Variants in CCDC60 observed in about 807,000 individuals in gnomAD.
CCDC60 encodes the protein coiled-coil domain containing 60.
In CCDC60, 54 loss-of-function variants were observed where a neutral mutation model predicts 63.5. The observed-to-expected ratio is 0.85, with a 90% CI of 0.68 to 1.07. CCDC60 has a LOEUF of 1.07. Ranked by LOEUF, CCDC60 falls within the 50% of genes least tolerant of loss-of-function variation. The pLI, the probability that CCDC60 is intolerant of heterozygous loss-of-function variation, is 0.00. For missense variants in CCDC60, 651 were observed against 684.3 expected, an observed-to-expected ratio of 0.95 and a Z score of 0.54; for synonymous variants, 206 against 238.8, an observed-to-expected ratio of 0.86 and a Z score of 1.27.
chr12:119,392,089 C>G (rs941844939), intron 1 of CCDC60, among the ~76,000 whole-genome samples: 2 of 152,122 alleles, frequency 1.3e-5, no homozygotes, highest in African/African-American at 4.8e-5. Context: ...TTTCAGAGAT[C>G]AAGAAAGGGT....
chr12:119,429,485 T>C (rs1200934456), intron 2 of CCDC60: 1 of 152,238 alleles, frequency 6.6e-6, no homozygotes, highest in Admixed American at 6.5e-5. Flanking sequence ...AAGACTCTTT[T>C]AGCACAAAAC....
At chr12:119,363,310 G>A (rs1289228677) in intron 1 of CCDC60, among the ~76,000 whole-genome samples, 2 of 152,060 alleles carry the variant, frequency 1.3e-5, no homozygotes, top group Non-Finnish European at 2.9e-5. Flanking sequence ...TGTTGTTACG[G>A]ATCATTTGGA....
At position 119,507,612 on chromosome 12, in the gene CCDC60, ATAT is replaced by A. The variant is rs1324486127; in HGVS notation, c.883+2311_883+2313del. On this transcript the variant is annotated intron_variant, in intron 7 of 13. Coordinates refer to ENST00000327554, the MANE Select transcript of CCDC60 (RefSeq NM_178499.5). ...TATACATATATATATATATATATAT[ATAT>A]TTTTTTTTTTTTTTTCTAGAAACAG... is the stretch of plus-strand genomic sequence containing the variant. Among the ~76,000 whole-genome samples the A allele has an allele frequency of 3.7e-4, 17 of 45,402 alleles. 2 individuals are homozygous for A. The highest frequency in any genetic ancestry group is 1.4e-3 in the African/African-American group (17 of 12,234). The allele number at this position is 45,402 out of a possible 152,430, so 29.8% of individuals were successfully genotyped here. A position where few individuals can be genotyped will look rare whatever the true frequency, so the allele number is the denominator to read the frequency against.
At chr12:119,426,341 ATT>A (rs1293809437) in intron 1 of CCDC60, among the ~76,000 whole-genome samples, 1 of 83,776 alleles carries the variant, frequency 1.2e-5, no homozygotes, top group Non-Finnish European at 2.3e-5. Context: ...TTTTTCTTTT[ATT>A]TTTATTTATT....
At chr12:119,498,034 T>A (rs1951753898) in intron 5 of CCDC60, among the ~76,000 whole-genome samples, 1 of 152,198 alleles carries the variant, frequency 6.6e-6, no homozygotes, top group Non-Finnish European at 1.5e-5. Context: ...GACTTCCACT[T>A]TGGGTCTGTG....
At chr12:119,380,100 C>CA (rs1319332015) in intron 1 of CCDC60, among the ~76,000 whole-genome samples, 1 of 152,212 alleles carries the variant, frequency 6.6e-6, no homozygotes, top group East Asian at 1.9e-4. Flanking sequence ...CCCTCACACA[C>CA]ACATTCTCTA....
intron 2 of CCDC60, among the ~76,000 whole-genome samples, chr12:119,462,791 C>CATTTATTTATTTATTT (rs61602899): frequency 1.4e-5 from 2 of 140,800 alleles, no homozygotes; most frequent in Non-Finnish European, 1.5e-5. Context: ...CAACTAACTT[C>CATTTATTTATTTATTT]ATTTATTTAT....
At chr12:119,379,923 C>A (rs1955991185) in intron 1 of CCDC60, among the ~76,000 whole-genome samples, 1 of 152,184 alleles carries the variant, frequency 6.6e-6, no homozygotes, top group Non-Finnish European at 1.5e-5. Context: ...TGTGCATATA[C>A]ATACAGATGT....
At chr12:119,510,330 A>G (rs1952179845) in intron 7 of CCDC60, among the ~76,000 whole-genome samples, 1 of 152,010 alleles carries the variant, frequency 6.6e-6, no homozygotes, top group Non-Finnish European at 1.5e-5. Flanking sequence ...TTTTTAAACA[A>G]TGCACACTCT....
intron 13 of CCDC60, among the ~76,000 whole-genome samples, chr12:119,539,550 C>A (rs374449797): frequency 2.6e-5 from 4 of 152,200 alleles, no homozygotes; most frequent in Admixed American, 1.3e-4. Flanking sequence ...ACTCCAACAA[C>A]CCACGTCGAC....
intron 2 of CCDC60, among the ~76,000 whole-genome samples, chr12:119,433,178 C>G (rs1302394593): frequency 6.6e-6 from 1 of 151,982 alleles, no homozygotes; most frequent in African/African-American, 2.4e-5. Flanking sequence ...TAAACATTCA[C>G]CAGCACACCA....
intron 10 of CCDC60, 126 bp from the exon 11 acceptor site, chr12:119,523,567 C>A: frequency 1.0e-5 from 14 of 1,333,766 alleles, no homozygotes; most frequent in Non-Finnish European, 1.3e-5. Flanking sequence ...GGCAGAGAAC[C>A]CAGGTGGCTA....
At chr12:119,395,431 C>A (rs1242806155) in intron 1 of CCDC60, among the ~76,000 whole-genome samples, 1 of 152,102 alleles carries the variant, frequency 6.6e-6, no homozygotes, top group Admixed American at 6.6e-5. Context: ...GGAAGCAGAC[C>A]CGTCTTACCA....
chr12:119,472,191 T>G, intron 3 of CCDC60, 27 bp downstream of exon 3: 1 of 1,608,656 alleles, frequency 6.2e-7, no homozygotes, highest in Non-Finnish European at 8.5e-7. Flanking sequence ...GCTGTGGCAC[T>G]GAAGGTTTTG....
intron 13 of CCDC60, among the ~76,000 whole-genome samples, chr12:119,539,622 G>A (rs536409699): frequency 2.6e-5 from 4 of 152,348 alleles, no homozygotes; most frequent in Admixed American, 6.5e-5. Flanking sequence ...GCTGGGCTCC[G>A]TGGAAGTGGG....
chr12:119,486,816 G>A (rs1009889209), intron 4 of CCDC60, among the ~76,000 whole-genome samples: 2 of 151,932 alleles, frequency 1.3e-5, no homozygotes, highest in Non-Finnish European at 2.9e-5. Flanking sequence ...CCCAGGGATT[G>A]GGTATCACCT....
intron 7 of CCDC60, among the ~76,000 whole-genome samples, chr12:119,507,612 A>ATTTTTTTTTTTTTT (rs1271195617): frequency 2.2e-5 from 1 of 45,402 alleles, no homozygotes; most frequent in African/African-American, 8.2e-5. Flanking sequence ...ATATATATAT[A>ATTTTTTTTTTTTTT]TATTTTTTTT....
chr12:119,353,165 T>TA (rs1955674407), intron 1 of CCDC60, among the ~76,000 whole-genome samples: 1 of 151,840 alleles, frequency 6.6e-6, no homozygotes, highest in African/African-American at 2.4e-5. Flanking sequence ...CTTTTTTTTT[T>TA]ATATAAGAAC....
intron 1 of CCDC60, among the ~76,000 whole-genome samples, chr12:119,390,479 A>G (rs542220517): frequency 6.6e-6 from 1 of 152,350 alleles, no homozygotes; most frequent in Non-Finnish European, 1.5e-5. Flanking sequence ...CATTTAGTGG[A>G]TAATCAATAT....
Sources: allele counts gnomAD v4.1 joint callset (sites outside exome capture counted in the v4.1 genomes callset), GRCh38; gene constraint gnomAD v4.1.1; transcripts MANE v1.5; gene names NCBI Gene and HGNC (gene_info 2026-07-23, HGNC 2026-07-21).